The following NID1 variants were observed in gnomAD, a reference collection of about 807,000 sequenced individuals.
NID1 encodes nidogen-1.
A neutral mutation model predicts 130.6 loss-of-function variants in NID1; 76 were observed. The ratio of observed to expected loss-of-function variants is 0.58; its 90% confidence interval spans 0.48 to 0.70. NID1 has a LOEUF of 0.70. NID1 is among the 30% of genes least tolerant of loss of function. The probability of loss-of-function intolerance (pLI) is 0.00; values close to 1 mark genes in which losing one functional copy is unlikely to be tolerated. For synonymous variants in NID1, 665 were observed against 675.1 expected (o/e 0.98, Z 0.23); for missense variants, 1,517 against 1,664.8 (o/e 0.91, Z 1.54).
chr1:235,978,905 A>G (rs1368282707), intron 19 of NID1, 90 bp downstream of exon 19: 2 of 821,902 alleles, frequency 2.4e-6, no homozygotes, highest in East Asian at 4.9e-5. Context: ...AATCAAGGCT[A>G]CTAGTGGCCA....
chr1:236,058,655 A>T (rs1659957890), intron 1 of NID1, among the ~76,000 whole-genome samples: 1 of 152,172 alleles, frequency 6.6e-6, no homozygotes, highest in Non-Finnish European at 1.5e-5. Flanking sequence ...TAAATTTAAA[A>T]TTTATGTTAG....
chr1:236,029,503 G>A, intron 7 of NID1, 47 bp downstream of exon 7: 1 of 1,527,966 alleles, frequency 6.5e-7, no homozygotes, highest in Non-Finnish European at 8.9e-7. Flanking sequence ...AGAGCACGAG[G>A]CTAGTGGCCG....
intron 1 of NID1, among the ~76,000 whole-genome samples, chr1:236,053,689 C>G (rs1460253244): frequency 6.6e-6 from 1 of 152,184 alleles, no homozygotes; most frequent in Admixed American, 6.5e-5. Flanking sequence ...TCAGGGACTC[C>G]ATTTGTCTTG....
chr1:236,017,925 T>G (rs1307516418), intron 9 of NID1, among the ~76,000 whole-genome samples: 1 of 152,210 alleles, frequency 6.6e-6, no homozygotes, highest in Non-Finnish European at 1.5e-5. Flanking sequence ...CTCTGAATAT[T>G]AAATATACTT....
At chr1:236,047,792 T>C (rs1558447912) in intron 2 of NID1, among the ~76,000 whole-genome samples, 1 of 151,942 alleles carries the variant, frequency 6.6e-6, no homozygotes, top group Admixed American at 6.6e-5. Context: ...TTTGGGAGGC[T>C]GAGGTGGGTG....
At chr1:235,990,278 T>C (rs1197011498) in intron 14 of NID1, among the ~76,000 whole-genome samples, 2 of 152,136 alleles carry the variant, frequency 1.3e-5, no homozygotes, top group African/African-American at 2.4e-5. Flanking sequence ...ATGGCCCAAG[T>C]AGCATCTTTA....
At chr1:236,021,841 T>C (rs1364262662) in intron 9 of NID1, among the ~76,000 whole-genome samples, 1 of 152,168 alleles carries the variant, frequency 6.6e-6, no homozygotes, top group Admixed American at 6.5e-5. Flanking sequence ...AGATTACAAT[T>C]TAGTAACAAA....
At chr1:236,031,429 C>A (rs1429319560) in intron 6 of NID1, among the ~76,000 whole-genome samples, 2 of 152,180 alleles carry the variant, frequency 1.3e-5, no homozygotes, top group African/African-American at 4.8e-5. Context: ...CACTCCTTTT[C>A]TAATAGATAG....
intron 12 of NID1, among the ~76,000 whole-genome samples, chr1:235,999,258 C>T (rs765438066): frequency 6.6e-6 from 1 of 152,198 alleles, no homozygotes; most frequent in Non-Finnish European, 1.5e-5. Flanking sequence ...TTTATGTGGC[C>T]GACAGAGTTG....
chr1:235,997,731 T>C (rs58374527), intron 12 of NID1, among the ~76,000 whole-genome samples: 1,901 of 152,008 alleles, frequency 0.013, 36 homozygotes, highest in African/African-American at 0.043. Context: ...CTCAGCCTCC[T>C]GAGTAGCTGA....
At chr1:236,045,015 A>G (rs1300564884) in intron 3 of NID1, among the ~76,000 whole-genome samples, 2 of 152,158 alleles carry the variant, frequency 1.3e-5, no homozygotes, top group African/African-American at 4.8e-5. Context: ...CCTGGCCAAC[A>G]TGGTGAAACC....
chr1:235,982,907 T>C (rs544062667), intron 15 of NID1, among the ~76,000 whole-genome samples: 1 of 152,228 alleles, frequency 6.6e-6, no homozygotes, highest in South Asian at 2.1e-4. Flanking sequence ...AGAGTCTCAT[T>C]CTGTTGCTCA....
chr1:236,041,282 G>T (rs1241946722), intron 4 of NID1, among the ~76,000 whole-genome samples: 1 of 151,228 alleles, frequency 6.6e-6, no homozygotes, highest in African/African-American at 2.4e-5. Context: ...TGGCCAGGAT[G>T]GTCTCAATCT....
chr1:236,001,842 T>A (rs1558428045), intron 12 of NID1, among the ~76,000 whole-genome samples: 2 of 152,236 alleles, frequency 1.3e-5, no homozygotes, highest in Admixed American at 6.5e-5. Flanking sequence ...AACTGCATTG[T>A]TGAGTTTCAT....
chr1:235,978,662 G>T (rs762933670), intron 19 of NID1, among the ~76,000 whole-genome samples: 1 of 152,218 alleles, frequency 6.6e-6, no homozygotes, highest in Non-Finnish European at 1.5e-5. Context: ...ATTAATTATT[G>T]TTATTGCTGT....
At chr1:236,044,734 G>A (rs187881778) in intron 3 of NID1, among the ~76,000 whole-genome samples, 224 of 152,270 alleles carry the variant, frequency 1.5e-3, no homozygotes, top group Non-Finnish European at 2.2e-3. Context: ...AATCCAATTT[G>A]GGCTTTTCCC....
At chr1:235,995,915 T>C (rs182280302) in intron 12 of NID1, among the ~76,000 whole-genome samples, 2 of 152,304 alleles carry the variant, frequency 1.3e-5, no homozygotes, top group African/African-American at 2.4e-5. Flanking sequence ...ATTCCAGCAC[T>C]TTGGGAGACC....
At chr1:236,051,051 A>C (rs1465989654) in intron 1 of NID1, among the ~76,000 whole-genome samples, 1 of 152,124 alleles carries the variant, frequency 6.6e-6, no homozygotes, top group Non-Finnish European at 1.5e-5. Context: ...CTGATGATGC[A>C]CTCCAGCCTA....
chr1:236,041,584 C>G (rs756281332), intron 4 of NID1, among the ~76,000 whole-genome samples: 38 of 152,212 alleles, frequency 2.5e-4, no homozygotes, highest in Non-Finnish European at 3.8e-4. Flanking sequence ...TGAGAAATCA[C>G]AAGAAAATCT....
Sources: gnomAD v4.1 joint callset for allele counts (sites outside exome capture counted in the v4.1 genomes callset) on GRCh38, gnomAD v4.1.1 for gene constraint, MANE v1.5 for transcripts, NCBI Gene and HGNC (gene_info 2026-07-23, HGNC 2026-07-21) for gene names.